The following PCSK2 variants were observed in gnomAD, a reference collection of about 807,000 sequenced individuals.
PCSK2 encodes the protein neuroendocrine convertase 2.
PCSK2 carries 14 observed loss-of-function variants against 69.7 expected under a neutral mutation model. That is an observed-to-expected ratio of 0.20 (90% CI 0.13 to 0.31). PCSK2 has a LOEUF of 0.31. Ranked by LOEUF, PCSK2 falls within the 10% of genes least tolerant of loss-of-function variation. PCSK2 has a pLI of 1.00. For missense variants in PCSK2, 544 were observed against 842.5 expected, an observed-to-expected ratio of 0.65 and a Z score of 4.39; for synonymous variants, 307 against 320.7, an observed-to-expected ratio of 0.96 and a Z score of 0.46.
intron 11 of PCSK2, among the ~76,000 whole-genome samples, chr20:17,469,365 G>A (rs1292123488): frequency 6.6e-6 from 1 of 152,156 alleles, no homozygotes; most frequent in Non-Finnish European, 1.5e-5. Flanking sequence ...GTGGGAGCAG[G>A]GGTGAATATT....
intron 2 of PCSK2, among the ~76,000 whole-genome samples, chr20:17,294,533 AGTTTC>A (rs1307908965): frequency 1.3e-5 from 2 of 152,196 alleles, no homozygotes; most frequent in Non-Finnish European, 2.9e-5. Flanking sequence ...AAGGTTAGAC[AGTTTC>A]ATACTGAATT....
chr20:17,245,533 G>A (rs1042111310), intron 1 of PCSK2, among the ~76,000 whole-genome samples: 1 of 152,160 alleles, frequency 6.6e-6, no homozygotes, highest in African/African-American at 2.4e-5. Context: ...TTTGGGAGTA[G>A]TTAACTTCTT....
At chr20:17,259,263 C>CA (rs1008365234) in intron 1 of PCSK2, among the ~76,000 whole-genome samples, 14 of 151,724 alleles carry the variant, frequency 9.2e-5, no homozygotes, top group Non-Finnish European at 1.8e-4. Flanking sequence ...GTCCTATTTC[C>CA]AAAAAAAGTA....
intron 2 of PCSK2, among the ~76,000 whole-genome samples, chr20:17,289,720 C>T (rs1259457726): frequency 6.6e-6 from 1 of 151,902 alleles, no homozygotes; most frequent in Non-Finnish European, 1.5e-5. Flanking sequence ...TTTTATTTTA[C>T]AAAGCTGACT....
chr20:17,320,904 C>G (rs1190010854), intron 2 of PCSK2, among the ~76,000 whole-genome samples: 1 of 152,114 alleles, frequency 6.6e-6, no homozygotes, highest in East Asian at 1.9e-4. Context: ...AAAGTCAGGA[C>G]TAGCTTAAAT....
intron 11 of PCSK2, among the ~76,000 whole-genome samples, chr20:17,477,963 A>G (rs1307706244): frequency 6.6e-6 from 1 of 152,166 alleles, no homozygotes; most frequent in South Asian, 2.1e-4. Flanking sequence ...ATTCCACTCA[A>G]TTTGAACCCC....
intron 5 of PCSK2, among the ~76,000 whole-genome samples, chr20:17,393,396 T>C (rs952962039): frequency 6.6e-6 from 1 of 152,168 alleles, no homozygotes; most frequent in African/African-American, 2.4e-5. Flanking sequence ...TTGGAAAATA[T>C]ATGCAGTTCC....
chr20:17,240,751 G>T lies in PCSK2; in HGVS notation c.177+13269G>T, dbSNP rs1352080568. On this transcript the variant is annotated intron_variant, in intron 1 of 11. Transcript: ENST00000262545. ...ATAAATCAGTGGTTCAGTCTTTAGG[G>T]GGTACATCATAGTTTGAATCCCATT... 2.6e-5 allele frequency among the ~76,000 whole-genome samples: 4 copies of T among 152,144 alleles called. No homozygotes were observed. The East Asian group carries it at 7.7e-4, about 29-fold the overall frequency.
intron 5 of PCSK2, among the ~76,000 whole-genome samples, chr20:17,372,421 A>AAATG (rs1568622905): frequency 6.6e-6 from 1 of 150,576 alleles, no homozygotes; most frequent in Non-Finnish European, 1.5e-5. Context: ...ATAAATAAAT[A>AAATG]AATAAATAAA....
intron 5 of PCSK2, among the ~76,000 whole-genome samples, chr20:17,392,719 T>G (rs115843601): frequency 1.2e-3 from 187 of 152,332 alleles, no homozygotes; most frequent in African/African-American, 4.4e-3. Flanking sequence ...TTTCAAGCAT[T>G]TATTCTTTAT....
At chr20:17,377,673 T>C (rs2030966265) in intron 5 of PCSK2, among the ~76,000 whole-genome samples, 1 of 152,254 alleles carries the variant, frequency 6.6e-6, no homozygotes, top group Non-Finnish European at 1.5e-5. Context: ...TGCTCTTGAA[T>C]GCTGGCTGGA....
intron 5 of PCSK2, among the ~76,000 whole-genome samples, chr20:17,371,302 G>A (rs1476293090): frequency 6.6e-6 from 1 of 152,156 alleles, no homozygotes; most frequent in Non-Finnish European, 1.5e-5. Context: ...GAAAAAGATA[G>A]TCATTCATTG....
At chr20:17,425,007 C>T (rs558540752) in intron 6 of PCSK2, among the ~76,000 whole-genome samples, 1 of 151,362 alleles carries the variant, frequency 6.6e-6, no homozygotes, top group East Asian at 2.0e-4. Flanking sequence ...AACTCCTGAT[C>T]TCAAGCAATA....
intron 2 of PCSK2, among the ~76,000 whole-genome samples, chr20:17,357,023 T>C (rs948502149): frequency 2.6e-5 from 4 of 152,228 alleles, no homozygotes; most frequent in Admixed American, 6.5e-5. Context: ...AAAAAAAATG[T>C]TGGGCTACAA....
At chr20:17,383,787 T>A (rs1191087129) in intron 5 of PCSK2, among the ~76,000 whole-genome samples, 1 of 152,190 alleles carries the variant, frequency 6.6e-6, no homozygotes, top group African/African-American at 2.4e-5. Context: ...AGAAACGTGG[T>A]GTTACAGTGT....
intron 2 of PCSK2, among the ~76,000 whole-genome samples, chr20:17,267,690 T>C (rs549524866): frequency 1.3e-5 from 2 of 152,258 alleles, no homozygotes; most frequent in East Asian, 1.9e-4. Context: ...TTTTAAATGA[T>C]GGGTACTGTT....
Position 17,360,423 on chromosome 20 carries a change from G to A in PCSK2, c.397-109G>A, listed in dbSNP as rs893723173. 9 of 623,762 alleles carry A rather than the reference G, an allele frequency of 1.4e-5. No individual in the cohort carries two copies. The African/African-American group carries it at 1.5e-4, about 10-fold the overall frequency. 38.6% of individuals were successfully genotyped at this position (623,762 alleles called of 1,614,324 possible). A position where few individuals can be genotyped will look rare whatever the true frequency, so the allele number is the denominator to read the frequency against. On this transcript the variant is annotated intron_variant, in intron 3 of 11. Transcript: ENST00000262545. ...GTTTCATGGAAGATGTGGCCTTTGA[G>A]CTGGTCCTGAAATATTAGATGGCTA...
At chr20:17,466,764 A>G (rs1218287804) in intron 11 of PCSK2, among the ~76,000 whole-genome samples, 2 of 152,218 alleles carry the variant, frequency 1.3e-5, no homozygotes, top group Non-Finnish European at 2.9e-5. Context: ...CTGAATCAAG[A>G]GATGAGGCAT....
rs575284392 is a variant in PCSK2 at position 17,385,992 on chromosome 20, T to G, written c.543+16715T>G. On this transcript the variant is annotated intron_variant, in intron 5 of 11. Transcript: ENST00000262545. ...GAATTTGACTCCAGAGATAAAGAGA[T>G]AAAATGCTGACAGATGGAAGTTGTG... 1.1e-4 allele frequency among the ~76,000 whole-genome samples: 16 copies of G among 152,336 alleles called. No individual in the cohort carries two copies. The South Asian group carries it at 3.1e-3, about 30-fold the overall frequency.
Sources: gnomAD v4.1 joint callset for allele counts (sites outside exome capture counted in the v4.1 genomes callset) on GRCh38, gnomAD v4.1.1 for gene constraint, MANE v1.5 for transcripts, NCBI Gene and HGNC (gene_info 2026-07-23, HGNC 2026-07-21) for gene names.